Variants in LENG8 observed in about 807,000 individuals in gnomAD.
LENG8 encodes leukocyte receptor cluster member 8.
In LENG8, 28 loss-of-function variants were observed where a neutral mutation model predicts 102.1. That is an observed-to-expected ratio of 0.27 (90% CI 0.20 to 0.38). LENG8 has a LOEUF of 0.38. Among genes scored for constraint, LENG8 ranks in the 10% least tolerant of loss-of-function variants. The pLI is 1.00. For missense variants in LENG8, 1,022 were observed against 1,113.9 expected, an observed-to-expected ratio of 0.92 and a Z score of 1.17; for synonymous variants, 531 against 456.7, an observed-to-expected ratio of 1.16 and a Z score of -2.07.
At chr19:54,460,717 C>CAGGGG in intron 15 of LENG8, 49 bp from the exon 16 acceptor site, 1 of 1,360,244 alleles carries the variant, frequency 7.4e-7, no homozygotes, top group Non-Finnish European at 9.6e-7. Context: ...GGGCCCTCCC[C>CAGGGG]TGCCCTCCCG....
chr19:54,459,818 A>T (rs1211562710), intron 15 of LENG8: 1 of 1,157,286 alleles, frequency 8.6e-7, no homozygotes, highest in Non-Finnish European at 1.1e-6. Context: ...GAGCTCCATG[A>T]CCAGCTTGGG....
rs141640196 is a variant in LENG8, at chr19:54,458,418, C to A, written c.2137C>A (p.Arg713Ser). 6.2e-7 allele frequency: 1 copy of A among 1,614,268 alleles called. No homozygotes were observed. Among genetic ancestry groups the A allele is most frequent in the South Asian group, 1.1e-5 (1 of 91,092 alleles). Residue 713 changes from arginine to serine, a missense_variant, in exon 15 of 16, where the codon CGC becomes AGC. This residue lies in a region of LENG8 where 158 missense variants were observed against 229.0 expected (regional missense o/e 0.69). Coordinates refer to ENST00000326764, the MANE Select transcript of LENG8 (RefSeq NM_052925.4). ...AGCCTGGGCCCTGGGCAACTACCACCGCTTTTTCCGGCTCTACTGCCATGC... is the reference window on the plus strand; with the variant it reads ...AGCCTGGGCCCTGGGCAACTACCACAGCTTTTTCCGGCTCTACTGCCATGC... ...RTAWALGNYH[R>S]FFRLYCHAPC... is the part of the protein sequence containing the mutation.
chr19:54,460,021 A>G, intron 15 of LENG8: 1 of 1,275,300 alleles, frequency 7.8e-7, no homozygotes, highest in Non-Finnish European at 1.0e-6. Context: ...CCAGTCTGTC[A>G]TTGACCTCAT....
At chr19:54,457,910 C>T in intron 12 of LENG8, 24 bp from the exon 13 acceptor site, 1 of 1,614,036 alleles carries the variant, frequency 6.2e-7, no homozygotes, top group Non-Finnish European at 8.5e-7. Context: ...CCTTGTGACT[C>T]TTGTTCTCGC....
chr19:54,453,737 C>T (rs2084078357), intron 5 of LENG8, 81 bp downstream of exon 5: 3 of 949,828 alleles, frequency 3.2e-6, no homozygotes, highest in East Asian at 2.4e-5. Flanking sequence ...TGAGGAATGG[C>T]TTGTACTCCT....
chr19:54,452,218 C>T lies in LENG8; in HGVS notation c.164C>T (p.Ala55Val), dbSNP rs755224960. 1 of 1,613,900 alleles carries T rather than the reference C, an allele frequency of 6.2e-7. No individual in the cohort carries two copies. Among genetic ancestry groups the T allele is most frequent in the Admixed American group, 1.7e-5 (1 of 60,016 alleles). The change falls in exon 3 of 16, where the codon GCC becomes GTC. Residue 55 changes from alanine (A) to valine (V), a missense_variant. Transcript: ENST00000326764. ...GCCAGCATCAGCAAGTCAGGAGCTG[C>T]CGGCGGCTCTGCCAAGTCCAGCAGC... is the stretch of plus-strand genomic sequence containing the variant. ...ALASISKSGA[A>V]GGSAKSSSNG...
chr19:54,454,614 A>G lies in LENG8; in HGVS notation c.611A>G (p.Tyr204Cys), dbSNP rs1401324313. ...GCGGGGCCCGCCACGGGCCAGGCCT[A>G]TGGGCCACACACCTACACCGAACCT... is the stretch of plus-strand genomic sequence containing the variant. ...SQAGPATGQAYGPHTYTEPAK... is the reference protein window; with the variant it reads ...SQAGPATGQACGPHTYTEPAK... Residue 204 changes from tyrosine to cysteine, a missense_variant, in exon 6 of 16, where the codon TAT becomes TGT. Transcript: ENST00000326764. 6 of 1,610,604 alleles carry G rather than the reference A, an allele frequency of 3.7e-6. No individual in the cohort carries two copies. The highest frequency in any genetic ancestry group is 1.3e-5 in the African/African-American group (1 of 74,886).
chr19:54,460,295 C>G, intron 15 of LENG8: 1 of 1,253,074 alleles, frequency 8.0e-7, no homozygotes, highest in Non-Finnish European at 1.0e-6. Context: ...TTAGCAGCAG[C>G]CGGAAGTGAC....
intron 15 of LENG8, chr19:54,460,468 C>T: frequency 2.3e-6 from 3 of 1,317,496 alleles, no homozygotes; most frequent in Non-Finnish European, 2.9e-6. Flanking sequence ...TCCATCTGGT[C>T]CCTGCCCCTC....
Position 54,451,226 on chromosome 19 carries a change from C to T in LENG8, c.-55-64C>T, listed in dbSNP as rs150507771. The stretch of plus-strand genomic sequence containing the variant: ...TCTCTTGAGTCCATCTACTTTTCTT[C>T]CCCACTTTGTGACGTGTTTTTAGCT... On this transcript the variant is annotated intron_variant, in intron 1 of 15. Transcript: ENST00000326764. The T allele has an allele frequency of 3.3e-3, 3,493 of 1,057,988 alleles. 8 individuals are homozygous for T. The highest frequency in any genetic ancestry group is 4.4e-3 in the Non-Finnish European group (2,992 of 679,440). 65.5% of individuals were successfully genotyped at this position (1,057,988 alleles called of 1,614,324 possible). A position where few individuals can be genotyped will look rare whatever the true frequency, so the allele number is the denominator to read the frequency against.
rs754239739 is a variant in LENG8, at chr19:54,460,750, C to T, written c.2241-16C>T. On this transcript the variant is annotated splice_polypyrimidine_tract_variant and intron_variant, in intron 15 of 15. Coordinates refer to ENST00000326764, the MANE Select transcript of LENG8 (RefSeq NM_052925.4). The stretch of plus-strand genomic sequence containing the variant: ...CCGCCCGCCCGCCTCATCACCTTCT[C>T]CTCTTGTCTCCATAGCTTCCGCCCT... 2.3e-5 allele frequency: 15 copies of T among 663,242 alleles called. No individual in the cohort carries two copies. The highest frequency in any genetic ancestry group is 2.0e-4 in the Admixed American group (7 of 34,320). The allele number at this position is 663,242 out of a possible 1,614,324, so 41.1% of individuals were successfully genotyped here. A position where few individuals can be genotyped will look rare whatever the true frequency, so the allele number is the denominator to read the frequency against.
At position 54,456,048 on chromosome 19, in the gene LENG8, A is replaced by C. The variant is rs769527992; in HGVS notation, c.1107A>C (p.Ala369=). Residue 369 remains alanine (A), a synonymous_variant, in exon 9 of 16, where the codon GCA becomes GCC. Coordinates refer to ENST00000326764, the MANE Select transcript of LENG8 (RefSeq NM_052925.4). ...GCAGCCTTCACCCTCCTAGAGGGGC[A>C]GGCTCGGCGACAAGGGGCGGGGGTG... ...AASSLHPPRG[A]GSATRGGGAP... 2.5e-6 allele frequency: 4 copies of C among 1,611,828 alleles called. No homozygotes were observed. Among genetic ancestry groups the C allele is most frequent in the Admixed American group, 1.7e-5 (1 of 59,836 alleles).
chr19:54,461,421 G>A lies in LENG8; in HGVS notation c.*493G>A. On this transcript the variant is annotated 3_prime_UTR_variant, in exon 16 of 16. Transcript: ENST00000326764. ...ACAGACTCTTGTTCCCAGCCCCTTGGGGCCTCCGTGTTTGGGGTGGGGGAG... is the reference window on the plus strand; with the variant it reads ...ACAGACTCTTGTTCCCAGCCCCTTGAGGCCTCCGTGTTTGGGGTGGGGGAG... The A allele has an allele frequency of 2.2e-6, 1 of 458,664 alleles. No homozygotes were observed. The highest frequency in any genetic ancestry group is 6.9e-5 in the East Asian group (1 of 14,436). 28.4% of individuals were successfully genotyped at this position (458,664 alleles called of 1,614,324 possible).
intron 8 of LENG8, 57 bp from the exon 9 acceptor site, chr19:54,455,910 G>T: frequency 1.3e-6 from 2 of 1,548,000 alleles, no homozygotes; most frequent in South Asian, 2.4e-5. Context: ...AGGTGGTGGC[G>T]GCTGTCCTGC....
Position 54,456,649 on chromosome 19 carries a change from C to T in LENG8, c.1459C>T (p.Pro487Ser), listed in dbSNP as rs2084264557. The T allele has an allele frequency of 1.2e-6, 2 of 1,610,828 alleles. No individual in the cohort carries two copies. The highest frequency in any genetic ancestry group is 1.7e-6 in the Non-Finnish European group (2 of 1,178,352). Residue 487 changes from proline to serine, a missense_variant, in exon 11 of 16, where the codon CCC (proline) becomes TCC (serine). By Grantham distance (74) the Pro-to-Ser change is moderately conservative. Transcript: ENST00000326764. The stretch of plus-strand genomic sequence containing the variant: ...ATCCCTTCCTAGGCACGATCTGGCG[C>T]CCACCAAGCGCAGTCGAAAGAAGAT... Reference protein sequence around the residue: ...AQRGKRHDLAPTKRSRKKMAA... With the variant: ...AQRGKRHDLASTKRSRKKMAA...
At chr19:54,460,330 G>T in intron 15 of LENG8, 1 of 1,215,514 alleles carries the variant, frequency 8.2e-7, no homozygotes, top group African/African-American at 1.6e-5. Context: ...AGTGGTGAGT[G>T]CTAGCTGGCA....
chr19:54,460,591 C>CCG (rs2084484375), intron 15 of LENG8, 175 bp from the exon 16 acceptor site: 6 of 1,415,822 alleles, frequency 4.2e-6, no homozygotes, highest in African/African-American at 2.9e-5. Flanking sequence ...ACTAACCCCC[C>CCG]CCGGGCCCCC....
chr19:54,454,908 G>T (rs575193430), intron 6 of LENG8, 43 bp from the exon 7 acceptor site: 1 of 1,612,672 alleles, frequency 6.2e-7, no homozygotes, highest in African/African-American at 1.3e-5. Flanking sequence ...ACCCCTGGAT[G>T]TGCCGGGGAA....
At chr19:54,459,748 G>A in intron 15 of LENG8, 1 of 1,063,122 alleles carries the variant, frequency 9.4e-7, no homozygotes, top group South Asian at 2.6e-5. Flanking sequence ...CAACTTCAGG[G>A]AGAGGCTGAG....
Sources: gnomAD v4.1 joint callset for allele counts on GRCh38, gnomAD v4.1.1 for gene constraint, gnomAD v4.1.1 regional missense constraint, MANE v1.5 for transcripts, NCBI Gene and HGNC (gene_info 2026-07-23, HGNC 2026-07-21) for gene names.